Variants in STIM2 observed in about 807,000 individuals in gnomAD.
The protein encoded by STIM2 is stromal interaction molecule 2.
A neutral mutation model predicts 85.8 loss-of-function variants in STIM2; 31 were observed. The ratio of observed to expected loss-of-function variants is 0.36; its 90% CI spans 0.27 to 0.49. The LOEUF is 0.49. Among genes scored for constraint, STIM2 ranks in the 20% least tolerant of loss-of-function variants. STIM2 has a pLI of 0.98. For synonymous variants in STIM2, 356 were observed against 331.1 expected (o/e 1.08, Z -0.82); for missense variants, 841 against 927.6 (o/e 0.91, Z 1.21).
intron 11 of STIM2, among the ~76,000 whole-genome samples, chr4:27,018,245 G>C (rs1161824109): frequency 6.6e-6 from 1 of 152,110 alleles, no homozygotes; most frequent in Non-Finnish European, 1.5e-5. Flanking sequence ...TTCTCATCTG[G>C]AGCTTGCAGT....
At chr4:26,998,922 A>AAAAAT (rs61447865) in intron 4 of STIM2, among the ~76,000 whole-genome samples, 9 of 149,620 alleles carry the variant, frequency 6.0e-5, no homozygotes, top group South Asian at 4.3e-4. Context: ...AAAAAAAAAA[A>AAAAAT]TTTTTTTTTC....
chr4:26,997,868 T>G (rs1728014582), intron 4 of STIM2, among the ~76,000 whole-genome samples: 1 of 152,170 alleles, frequency 6.6e-6, no homozygotes, highest in Non-Finnish European at 1.5e-5. Context: ...TCTTTGCTCT[T>G]TAAGGTTTTA....
rs971300045 is a variant in STIM2, at chr4:26,957,723, G to A, written c.394G>A (p.Glu132Lys). ...TTTATGGAAACGATGGAAAACATCA[G>A]AAGGTAAGACTGCCTTTGTGATCTG... The change falls in exon 3 of 12, where the codon GAA becomes AAA. Residue 132 changes from glutamate to lysine, a missense_variant. This residue lies in a region of STIM2 where 408 missense variants were observed against 525.4 expected (regional missense o/e 0.78). Coordinates refer to ENST00000467087, the MANE Select transcript of STIM2 (RefSeq NM_020860.4). The A allele has an allele frequency of 6.3e-7, 1 of 1,592,686 alleles. No individual in the cohort carries two copies. Among genetic ancestry groups the A allele is most frequent in the Admixed American group, 1.8e-5 (1 of 56,574 alleles).
chr4:26,981,016 G>C (rs184768684), intron 3 of STIM2, among the ~76,000 whole-genome samples: 1 of 152,210 alleles, frequency 6.6e-6, no homozygotes, highest in East Asian at 1.9e-4. Flanking sequence ...GTATTCTGAG[G>C]CTTCTTAAAT....
At chr4:26,971,804 G>T (rs1189047511) in intron 3 of STIM2, among the ~76,000 whole-genome samples, 1 of 152,152 alleles carries the variant, frequency 6.6e-6, no homozygotes, top group African/African-American at 2.4e-5. Context: ...GATGGGGATA[G>T]CATTGAATCT....
intron 2 of STIM2, among the ~76,000 whole-genome samples, chr4:26,937,095 C>CT (rs1307577606): frequency 1.3e-5 from 2 of 152,124 alleles, no homozygotes; most frequent in Non-Finnish European, 2.9e-5. Flanking sequence ...GTGCCTTTTG[C>CT]TTTTTTCTGG....
chr4:26,874,299 G>T (rs1339342144), intron 1 of STIM2: 3 of 383,906 alleles, frequency 7.8e-6, no homozygotes, highest in East Asian at 6.6e-5. Context: ...CCTGGTACTG[G>T]AGAGATCTCC....
chr4:26,952,707 A>G (rs1726103844), intron 2 of STIM2, among the ~76,000 whole-genome samples: 1 of 152,114 alleles, frequency 6.6e-6, no homozygotes, highest in Non-Finnish European at 1.5e-5. Context: ...TTTAAGATGA[A>G]GAGAGAAACA....
chr4:26,948,803 G>T (rs1223187754), intron 2 of STIM2, among the ~76,000 whole-genome samples: 3 of 151,758 alleles, frequency 2.0e-5, no homozygotes, highest in Non-Finnish European at 4.4e-5. Context: ...AAAGGAAATT[G>T]TAATTAATAT....
At chr4:26,985,574 G>A (rs1727553672) in intron 3 of STIM2, among the ~76,000 whole-genome samples, 1 of 152,074 alleles carries the variant, frequency 6.6e-6, no homozygotes, top group African/African-American at 2.4e-5. Flanking sequence ...TATTAATAAT[G>A]TTTAGTCTTT....
chr4:26,912,320 T>G (rs1204674229), intron 1 of STIM2, among the ~76,000 whole-genome samples: 1 of 152,216 alleles, frequency 6.6e-6, no homozygotes, highest in African/African-American at 2.4e-5. Context: ...CTGGCTCCCC[T>G]TCTTAGTTGT....
chr4:26,875,789 G>A (rs577776224), intron 1 of STIM2, among the ~76,000 whole-genome samples: 1 of 152,068 alleles, frequency 6.6e-6, no homozygotes, highest in African/African-American at 2.4e-5. Context: ...ACAGACCTTT[G>A]GGAAAAATAG....
intron 1 of STIM2, among the ~76,000 whole-genome samples, chr4:26,918,471 A>G (rs1211494466): frequency 6.6e-6 from 1 of 152,152 alleles, no homozygotes; most frequent in Non-Finnish European, 1.5e-5. Context: ...CAGATGATAG[A>G]CTATCGATGA....
At chr4:26,985,245 A>G (rs1409054237) in intron 3 of STIM2, among the ~76,000 whole-genome samples, 1 of 152,208 alleles carries the variant, frequency 6.6e-6, no homozygotes, top group Non-Finnish European at 1.5e-5. Context: ...TTTAGATTTG[A>G]AAAGTTATTA....
At chr4:26,920,888 ATTC>A (rs1027675756) in intron 2 of STIM2, among the ~76,000 whole-genome samples, 7 of 152,258 alleles carry the variant, frequency 4.6e-5, no homozygotes, top group Non-Finnish European at 8.8e-5. Flanking sequence ...CTATTTCTCG[ATTC>A]TTCTTCTTCT....
At chr4:26,970,687 T>C (rs1237656048) in intron 3 of STIM2, among the ~76,000 whole-genome samples, 2 of 152,210 alleles carry the variant, frequency 1.3e-5, no homozygotes, top group Non-Finnish European at 2.9e-5. Context: ...CTATTGTGAA[T>C]AGTGCCGCAA....
At chr4:26,905,721 GATTT>G (rs1438794168) in intron 1 of STIM2, among the ~76,000 whole-genome samples, 1 of 152,144 alleles carries the variant, frequency 6.6e-6, no homozygotes, top group Non-Finnish European at 1.5e-5. Flanking sequence ...TTTCTATGCT[GATTT>G]ATTTATTCAG....
chr4:26,878,404 G>A (rs986568506), intron 1 of STIM2, among the ~76,000 whole-genome samples: 4 of 152,024 alleles, frequency 2.6e-5, no homozygotes, highest in Non-Finnish European at 4.4e-5. Flanking sequence ...ATTAGTTTTG[G>A]TATGGGATCA....
intron 1 of STIM2, among the ~76,000 whole-genome samples, chr4:26,894,506 T>C (rs1257929292): frequency 6.6e-6 from 1 of 152,176 alleles, no homozygotes; most frequent in Non-Finnish European, 1.5e-5. Flanking sequence ...ATTTTTTTCC[T>C]TCCGTGTGGA....
Sources: allele counts gnomAD v4.1 joint callset (sites outside exome capture counted in the v4.1 genomes callset), GRCh38; gene constraint gnomAD v4.1.1; regional missense constraint gnomAD v4.1.1; transcripts MANE v1.5; gene names NCBI Gene and HGNC (gene_info 2026-07-23, HGNC 2026-07-21).